The following CCDC73 variants were observed in gnomAD, a reference collection of about 807,000 sequenced individuals.
The protein encoded by CCDC73 is coiled-coil domain containing 73, also known as coiled-coil domain-containing protein 73.
In CCDC73, 95 loss-of-function variants were observed where a neutral mutation model predicts 116.5. The observed-to-expected ratio is 0.82, with a 90% CI of 0.69 to 0.97. The LOEUF (loss-of-function observed/expected upper bound fraction) is 0.97, where lower values mean the gene tolerates loss of function less well. Among genes scored for constraint, CCDC73 ranks in the 50% least tolerant of loss-of-function variants. The probability of loss-of-function intolerance (pLI) is 0.00; values close to 1 mark genes in which losing one functional copy is unlikely to be tolerated. For synonymous variants in CCDC73, 398 were observed against 401.3 expected, an observed-to-expected ratio of 0.99 and a Z score of 0.10; for missense variants, 1,066 against 1,206.8, an observed-to-expected ratio of 0.88 and a Z score of 1.73.
intron 9 of CCDC73, among the ~76,000 whole-genome samples, chr11:32,662,741 T>C (rs1312468367): frequency 2.0e-5 from 3 of 152,224 alleles, no homozygotes; most frequent in African/African-American, 7.2e-5. Context: ...CTTTTGGTGT[T>C]TTAGACATGA....
chr11:32,632,750 G>A (rs2133239904), intron 14 of CCDC73, among the ~76,000 whole-genome samples: 1 of 151,954 alleles, frequency 6.6e-6, no homozygotes, highest in South Asian at 2.1e-4. Context: ...TGTGTATGTT[G>A]TGTATACTTT....
chr11:32,690,238 C>T (rs1856242823), intron 6 of CCDC73, among the ~76,000 whole-genome samples: 1 of 152,048 alleles, frequency 6.6e-6, no homozygotes, highest in African/African-American at 2.4e-5. Context: ...AAAGAAAACA[C>T]ACAAATATTT....
intron 6 of CCDC73, among the ~76,000 whole-genome samples, chr11:32,686,629 A>G (rs1332130214): frequency 6.6e-6 from 1 of 152,172 alleles, no homozygotes; most frequent in Non-Finnish European, 1.5e-5. Flanking sequence ...AGATAAAACT[A>G]CATCTAGAGC....
At chr11:32,712,292 G>A (rs1248017933) in intron 3 of CCDC73, among the ~76,000 whole-genome samples, 1 of 152,130 alleles carries the variant, frequency 6.6e-6, no homozygotes, top group Non-Finnish European at 1.5e-5. Flanking sequence ...AGGGAAGGGA[G>A]ATGTTGATCA....
At chr11:32,825,295 CTTTTTTTTTT>C in the CCDC73 span, among the ~76,000 whole-genome samples, 2 of 64,446 alleles carry the variant, frequency 3.1e-5, no homozygotes, top group African/African-American at 1.4e-4. Flanking sequence ...CTGATGCAGA[CTTTTTTTTTT>C]TTTTTTTTTT....
intron 2 of CCDC73, among the ~76,000 whole-genome samples, chr11:32,726,499 G>A (rs77856516): frequency 0.08 from 12,101 of 152,052 alleles, 508 homozygotes; most frequent in Non-Finnish European, 0.091. Context: ...TAGCTAGACT[G>A]AAACATGGAG....
At chr11:32,645,888 C>A (rs1374174098) in intron 12 of CCDC73, among the ~76,000 whole-genome samples, 2 of 152,112 alleles carry the variant, frequency 1.3e-5, no homozygotes, top group Non-Finnish European at 2.9e-5. Flanking sequence ...CTGTCACTGA[C>A]AAAACATTGT....
chr11:32,664,397 G>A (rs1384631955), intron 9 of CCDC73, among the ~76,000 whole-genome samples: 7 of 152,098 alleles, frequency 4.6e-5, no homozygotes, highest in Non-Finnish European at 8.8e-5. Context: ...CTTCTTTGTC[G>A]TTTAGTCTTG....
chr11:32,687,553 T>A (rs1303740404), intron 6 of CCDC73, among the ~76,000 whole-genome samples: 2 of 152,178 alleles, frequency 1.3e-5, no homozygotes, highest in Non-Finnish European at 2.9e-5. Flanking sequence ...ACTAAAATAA[T>A]CCTTGTAGTT....
intron 1 of CCDC73, among the ~76,000 whole-genome samples, chr11:32,785,201 T>C (rs1320723382): frequency 6.6e-6 from 1 of 152,070 alleles, no homozygotes; most frequent in African/African-American, 2.4e-5. Flanking sequence ...TAGATTAAAC[T>C]AGAATAGACC....
intron 7 of CCDC73, chr11:32,680,692 T>G (rs999559846): frequency 6.6e-6 from 1 of 152,078 alleles, no homozygotes; most frequent in Non-Finnish European, 1.5e-5. Context: ...GGAGACTGAT[T>G]TGAAAACTTC....
intron 2 of CCDC73, among the ~76,000 whole-genome samples, chr11:32,733,960 C>CA (rs1850103053): frequency 6.6e-6 from 1 of 151,918 alleles, no homozygotes; most frequent in Admixed American, 6.6e-5. Flanking sequence ...AAAAACTCTT[C>CA]AAAAAAATCA....
intron 1 of CCDC73, among the ~76,000 whole-genome samples, chr11:32,771,416 C>T (rs982672056): frequency 2.0e-5 from 3 of 152,162 alleles, no homozygotes; most frequent in African/African-American, 4.8e-5. Flanking sequence ...ACATCCCATG[C>T]CCCTGATAAC....
the CCDC73 span, among the ~76,000 whole-genome samples, chr11:32,808,622 T>C: frequency 6.7e-6 from 1 of 148,964 alleles, no homozygotes; most frequent in Non-Finnish European, 1.5e-5. Context: ...CTAGGAGACA[T>C]AGCGAGACTC....
rs116010531 is a variant in CCDC73 at position 32,668,729 on chromosome 11, C to A, written c.645+6836G>T. 7.1e-3 allele frequency among the ~76,000 whole-genome samples: 1,087 copies of A among 152,248 alleles called. 16 individuals are homozygous for A. The highest frequency in any genetic ancestry group is 0.025 in the African/African-American group (1,048 of 41,542). ...GTAACAACCACAGCCCTTTACATCA[C>A]CATGTTACACATAGATGTTTCTGAT... On this transcript the variant is annotated intron_variant, in intron 9 of 17. Coordinates refer to ENST00000335185, the MANE Select transcript of CCDC73 (RefSeq NM_001008391.4).
chr11:32,654,047 T>G lies in CCDC73; in HGVS notation c.775-10A>C. The G allele has an allele frequency of 6.3e-7, 1 of 1,581,920 alleles. No individual in the cohort carries two copies. The highest frequency in any genetic ancestry group is 8.6e-7 in the Non-Finnish European group (1 of 1,163,730). On this transcript the variant is annotated splice_polypyrimidine_tract_variant and intron_variant, in intron 10 of 17. Coordinates refer to ENST00000335185, the MANE Select transcript of CCDC73 (RefSeq NM_001008391.4). Reference sequence around the variant, plus strand: ...CATTTAATTCCAATTCCTTTAAAATTTGAATAGTTTTAAAGTTATGATATA... The same window carrying G: ...CATTTAATTCCAATTCCTTTAAAATGTGAATAGTTTTAAAGTTATGATATA...
At chr11:32,751,670 G>A (rs1280591866) in intron 2 of CCDC73, among the ~76,000 whole-genome samples, 1 of 152,160 alleles carries the variant, frequency 6.6e-6, no homozygotes, top group Non-Finnish European at 1.5e-5. Flanking sequence ...GGGAGGGGTG[G>A]AGTTGGAGAT....
intron 12 of CCDC73, among the ~76,000 whole-genome samples, chr11:32,652,544 G>C (rs1855835539): frequency 6.6e-6 from 1 of 152,058 alleles, no homozygotes. Context: ...CTTTATAAGG[G>C]GAAATGCGCC....
Position 32,698,186 on chromosome 11 carries a change from A to G in CCDC73, c.390+1065T>C, listed in dbSNP as rs367547344. On this transcript the variant is annotated intron_variant, in intron 6 of 17. Coordinates refer to ENST00000335185, the MANE Select transcript of CCDC73 (RefSeq NM_001008391.4). Reference sequence around the variant, plus strand: ...ACTACAGGCGCCCGCCACCACGCCCAGCTAATTTTTTGTATTTTTAGTAGA... The same window carrying G: ...ACTACAGGCGCCCGCCACCACGCCCGGCTAATTTTTTGTATTTTTAGTAGA... 7.2e-3 allele frequency among the ~76,000 whole-genome samples: 1,083 copies of G among 151,382 alleles called. 17 individuals carry two copies. Among genetic ancestry groups the G allele is most frequent in the African/African-American group, 0.025 (1,045 of 41,282 alleles).
Sources: allele counts gnomAD v4.1 joint callset (sites outside exome capture counted in the v4.1 genomes callset), GRCh38; gene constraint gnomAD v4.1.1; transcripts MANE v1.5; gene names NCBI Gene and HGNC (gene_info 2026-07-23, HGNC 2026-07-21).